Variants in RALGAPA1 observed in about 807,000 individuals in gnomAD.
The protein encoded by RALGAPA1 is ral GTPase-activating protein subunit alpha-1.
RALGAPA1 carries 52 observed loss-of-function variants against 269.6 expected under a neutral mutation model. The observed-to-expected ratio is 0.19, with a 90% CI of 0.15 to 0.24. The LOEUF (loss-of-function observed/expected upper bound fraction) is 0.24. RALGAPA1 is among the 10% of genes least tolerant of loss of function. The probability of loss-of-function intolerance (pLI) is 1.00; values close to 1 mark genes in which losing one functional copy is unlikely to be tolerated. For synonymous variants in RALGAPA1, 817 were observed against 1,008.3 expected (o/e 0.81, Z 3.60); for missense variants, 1,917 against 3,013.9 (o/e 0.64, Z 8.52).
chr14:35,656,587 T>C (rs2063190362), intron 28 of RALGAPA1, among the ~76,000 whole-genome samples: 1 of 152,170 alleles, frequency 6.6e-6, no homozygotes, highest in African/African-American at 2.4e-5. Flanking sequence ...GTATAATGGT[T>C]CTAAGTATCA....
chr14:35,773,349 T>C (rs1300923752), intron 3 of RALGAPA1, among the ~76,000 whole-genome samples: 1 of 152,042 alleles, frequency 6.6e-6, no homozygotes, highest in Non-Finnish European at 1.5e-5. Context: ...CTACTATAAG[T>C]AGAACGTCAG....
chr14:35,588,646 G>C (rs954703161), intron 37 of RALGAPA1, among the ~76,000 whole-genome samples: 1 of 152,170 alleles, frequency 6.6e-6, no homozygotes, highest in Non-Finnish European at 1.5e-5. Context: ...TTGTTACATA[G>C]GTAGTGGGAA....
rs2065290687 is a variant in RALGAPA1, at chr14:35,680,107, CA to C, written c.4472-2006del. 2.0e-5 allele frequency among the ~76,000 whole-genome samples: 3 copies of C among 152,186 alleles called. No homozygotes were observed. In the South Asian group the frequency reaches 6.2e-4, roughly 31 times the overall value. On this transcript the variant is annotated intron_variant, in intron 21 of 41. Coordinates refer to ENST00000680220, the MANE Select transcript of RALGAPA1 (RefSeq NM_001346249.2). The stretch of plus-strand genomic sequence containing the variant: ...TTTTAAGTACATGCCAAAGAGACAT[CA>C]GCCTTTGGTCAAATGCTTTGAAATA...
chr14:35,640,215 A>C (rs2061936077), intron 31 of RALGAPA1, among the ~76,000 whole-genome samples: 1 of 152,140 alleles, frequency 6.6e-6, no homozygotes, highest in Non-Finnish European at 1.5e-5. Context: ...AAGTAAGCAG[A>C]ATAAAAATAA....
At chr14:35,644,020 A>C (rs989671242) in intron 31 of RALGAPA1, among the ~76,000 whole-genome samples, 3 of 152,226 alleles carry the variant, frequency 2.0e-5, no homozygotes, top group Admixed American at 6.5e-5. Context: ...GTACATTTAA[A>C]AATAACTAAA....
chr14:35,571,738 CT>C (rs1157179482), intron 38 of RALGAPA1, among the ~76,000 whole-genome samples: 3 of 152,036 alleles, frequency 2.0e-5, no homozygotes, highest in African/African-American at 4.8e-5. Context: ...AACAAAATGT[CT>C]TTTTAAAAAT....
chr14:35,714,344 G>A (rs1214208563), intron 16 of RALGAPA1, among the ~76,000 whole-genome samples: 1 of 152,168 alleles, frequency 6.6e-6, no homozygotes, highest in Non-Finnish European at 1.5e-5. Context: ...TGGGTGTAAT[G>A]TGGCATCTTA....
intron 36 of RALGAPA1, among the ~76,000 whole-genome samples, chr14:35,603,434 C>T (rs190653900): frequency 2.0e-4 from 30 of 152,130 alleles, no homozygotes; most frequent in Middle Eastern, 3.4e-3. Flanking sequence ...GCAAAAAGAG[C>T]TTAAATAACT....
rs926064879 is a variant in RALGAPA1 at position 35,742,484 on chromosome 14, T to C, written c.1333A>G (p.Lys445Glu). ...VYQEWIQQEE[K>E]PLFMQEPEEI... Reference sequence around the variant, plus strand: ...TCAGGCTCTTGCATGAACAAAGGTTTTTCCTCTTGTTGGATCCATTCTTGA... The same window carrying C: ...TCAGGCTCTTGCATGAACAAAGGTTCTTCCTCTTGTTGGATCCATTCTTGA... Residue 445 changes from lysine to glutamate, a missense_variant, in exon 11 of 42, where the codon AAA becomes GAA. Physicochemically the swap from Lys to Glu is moderately conservative, Grantham distance 56. This residue lies in a region of RALGAPA1 where 462 missense variants were observed against 725.6 expected (regional missense o/e 0.64). Transcript: ENST00000680220. 1 of 1,599,702 alleles carries C rather than the reference T, an allele frequency of 6.3e-7. No homozygotes were observed. The highest frequency in any genetic ancestry group is 8.6e-7 in the Non-Finnish European group (1 of 1,167,382).
intron 35 of RALGAPA1, among the ~76,000 whole-genome samples, chr14:35,619,651 A>G (rs2060480444): frequency 6.6e-6 from 1 of 152,232 alleles, no homozygotes; most frequent in Admixed American, 6.5e-5. Context: ...ACACAATAAA[A>G]AATGACAAAG....
At chr14:35,792,376 C>T (rs561589085) in intron 1 of RALGAPA1, among the ~76,000 whole-genome samples, 4 of 151,042 alleles carry the variant, frequency 2.6e-5, no homozygotes, top group South Asian at 4.4e-4. Flanking sequence ...AGGCTGGTCT[C>T]GAACTCCTGA....
chr14:35,540,217 A>G (rs761042981), intron 41 of RALGAPA1, among the ~76,000 whole-genome samples: 8 of 152,258 alleles, frequency 5.3e-5, no homozygotes, highest in Non-Finnish European at 4.4e-5. Flanking sequence ...CTATGAGATC[A>G]TATACATGCT....
intron 10 of RALGAPA1, among the ~76,000 whole-genome samples, chr14:35,745,958 G>A (rs2072053088): frequency 1.3e-5 from 2 of 151,896 alleles, no homozygotes; most frequent in South Asian, 4.2e-4. Flanking sequence ...AGGCATGGTG[G>A]TGTGCACCTG....
chr14:35,676,871 G>A (rs1227984301), intron 22 of RALGAPA1: 1 of 152,200 alleles, frequency 6.6e-6, no homozygotes, highest in Non-Finnish European at 1.5e-5. Flanking sequence ...GGGTTTATGT[G>A]CATTCATTTT....
chr14:35,755,799 A>C (rs2073114737), intron 7 of RALGAPA1, among the ~76,000 whole-genome samples: 2 of 152,220 alleles, frequency 1.3e-5, no homozygotes, highest in African/African-American at 4.8e-5. Context: ...ATCAGGGTTC[A>C]AACTCTGGCA....
At chr14:35,712,193 G>A (rs1187144623) in intron 16 of RALGAPA1, among the ~76,000 whole-genome samples, 1 of 149,734 alleles carries the variant, frequency 6.7e-6, no homozygotes, top group Non-Finnish European at 1.5e-5. Flanking sequence ...GTTGCAATGA[G>A]GCCAGATCAC....
intron 39 of RALGAPA1, among the ~76,000 whole-genome samples, chr14:35,555,421 A>C (rs1466181216): frequency 1.3e-5 from 2 of 152,342 alleles, no homozygotes; most frequent in East Asian, 3.9e-4. Flanking sequence ...GAATGAGAAA[A>C]TCTTTACAGA....
chr14:35,693,767 A>G (rs1390945348), intron 17 of RALGAPA1, among the ~76,000 whole-genome samples: 1 of 152,030 alleles, frequency 6.6e-6, no homozygotes, highest in Non-Finnish European at 1.5e-5. Flanking sequence ...AAAACTCTAT[A>G]AAGTTACAGA....
At chr14:35,616,321 T>A (rs1297214524) in intron 35 of RALGAPA1, among the ~76,000 whole-genome samples, 1 of 152,108 alleles carries the variant, frequency 6.6e-6, no homozygotes, top group African/African-American at 2.4e-5. Context: ...AGTGAAGACC[T>A]GGAATAATTA....
Sources: gnomAD v4.1 joint callset for allele counts (sites outside exome capture counted in the v4.1 genomes callset) on GRCh38, gnomAD v4.1.1 for gene constraint, gnomAD v4.1.1 regional missense constraint, MANE v1.5 for transcripts, NCBI Gene and HGNC (gene_info 2026-07-23, HGNC 2026-07-21) for gene names.